Variants in ADAMTSL1 observed in about 807,000 individuals in gnomAD.
ADAMTSL1 encodes ADAMTS-like protein 1.
In ADAMTSL1, 126 loss-of-function variants were observed where a neutral mutation model predicts 201.8. The ratio of observed to expected loss-of-function variants is 0.62; its 90% CI spans 0.54 to 0.72. The LOEUF (loss-of-function observed/expected upper bound fraction) is 0.72. ADAMTSL1 is among the 30% of genes least tolerant of loss of function. ADAMTSL1 has a pLI of 0.00. For synonymous variants in ADAMTSL1, 1,121 were observed against 903.4 expected, an observed-to-expected ratio of 1.24 and a Z score of -4.32; for missense variants, 2,679 against 2,277.8, an observed-to-expected ratio of 1.18 and a Z score of -3.59.
chr9:18,688,281 G>A (rs946021465), intron 13 of ADAMTSL1, among the ~76,000 whole-genome samples: 4 of 151,646 alleles, frequency 2.6e-5, no homozygotes, highest in African/African-American at 9.7e-5. Context: ...CCACCACCAT[G>A]CCCAGCTAAT....
intron 23 of ADAMTSL1, among the ~76,000 whole-genome samples, chr9:18,857,687 C>T (rs771037924): frequency 5.3e-5 from 8 of 152,156 alleles, no homozygotes; most frequent in Non-Finnish European, 8.8e-5. Context: ...GGAATTAATA[C>T]GTCTTTTGTG....
At chr9:18,145,261 A>ATTCAATGT (rs1786216722) in intron 1 of ADAMTSL1, among the ~76,000 whole-genome samples, 1 of 152,224 alleles carries the variant, frequency 6.6e-6, no homozygotes, top group East Asian at 1.9e-4. Flanking sequence ...CCCCATAGGT[A>ATTCAATGT]TTCAATGTTA....
chr9:18,252,303 A>T (rs907042979), intron 2 of ADAMTSL1, among the ~76,000 whole-genome samples: 3 of 152,188 alleles, frequency 2.0e-5, no homozygotes, highest in African/African-American at 4.8e-5. Flanking sequence ...CATGGCCTAT[A>T]AATGTGCTCA....
chr9:18,906,568 C>A (rs1830321905), intron 27 of ADAMTSL1, 124 bp from the exon 28 acceptor site: 1 of 753,072 alleles, frequency 1.3e-6, no homozygotes, highest in Non-Finnish European at 2.1e-6. Flanking sequence ...GAATCCAGGT[C>A]TAGTAACGCT....
intron 2 of ADAMTSL1, among the ~76,000 whole-genome samples, chr9:18,178,608 T>C (rs973291695): frequency 4.0e-5 from 6 of 151,584 alleles, no homozygotes; most frequent in South Asian, 2.1e-4. Context: ...CAGTAACCTC[T>C]GCAGACTTAA....
At chr9:17,918,863 A>G (rs889060345) in intron 1 of ADAMTSL1, among the ~76,000 whole-genome samples, 1 of 151,860 alleles carries the variant, frequency 6.6e-6, no homozygotes, top group Non-Finnish European at 1.5e-5. Flanking sequence ...GTTATTGGGT[A>G]CATAAATGTT....
At chr9:18,165,087 T>G (rs1259234887) in intron 2 of ADAMTSL1, among the ~76,000 whole-genome samples, 1 of 151,924 alleles carries the variant, frequency 6.6e-6, no homozygotes, top group Non-Finnish European at 1.5e-5. Flanking sequence ...GCCTACCTTT[T>G]AAATTTTCTA....
rs1461176393 is a variant in ADAMTSL1, at chr9:18,291,774, C to CACACACAT, written c.207+127798_207+127799insCATACACA. On this transcript the variant is annotated intron_variant, in intron 2 of 29. Coordinates refer to the ADAMTSL1 transcript ENST00000680146. ...ACACACACACACACACACACACACA[C>CACACACAT]ACACATCCCTACCTGTCTTAGAGAG... is the stretch of plus-strand genomic sequence containing the variant. Among the ~76,000 whole-genome samples the CACACACAT allele has an allele frequency of 2.8e-3, 405 of 144,770 alleles. 5 individuals are homozygous for CACACACAT. Among genetic ancestry groups the CACACACAT allele is most frequent in the East Asian group, 0.022 (104 of 4,812 alleles). 95.0% of individuals were successfully genotyped at this position (144,770 alleles called of 152,430 possible). A position where few individuals can be genotyped will look rare whatever the true frequency, so the allele number is the denominator to read the frequency against.
intron 4 of ADAMTSL1, among the ~76,000 whole-genome samples, chr9:18,585,537 A>G (rs1223626914): frequency 6.6e-6 from 1 of 152,200 alleles, no homozygotes; most frequent in Non-Finnish European, 1.5e-5. Flanking sequence ...AAAGTCATAC[A>G]ACTGGAAAAA....
chr9:18,360,679 A>G (rs1445041736), intron 2 of ADAMTSL1: 3 of 152,224 alleles, frequency 2.0e-5, no homozygotes, highest in African/African-American at 7.2e-5. Context: ...GTCCTGTGGC[A>G]GATGTCAGTA....
chr9:18,651,858 C>T (rs1179031584), intron 7 of ADAMTSL1, among the ~76,000 whole-genome samples: 1 of 151,830 alleles, frequency 6.6e-6, no homozygotes, highest in Non-Finnish European at 1.5e-5. Context: ...TACAAGGAGT[C>T]TGGAGAGAAA....
At chr9:18,661,910 T>C in intron 8 of ADAMTSL1, 25 bp from the exon 9 acceptor site, 1 of 1,601,954 alleles carries the variant, frequency 6.2e-7, no homozygotes, top group Non-Finnish European at 8.5e-7. Flanking sequence ...ACATTTAAAC[T>C]TGCCTGGATG....
At chr9:18,125,008 TAAGGC>T (rs1825672538) in intron 1 of ADAMTSL1, among the ~76,000 whole-genome samples, 1 of 152,190 alleles carries the variant, frequency 6.6e-6, no homozygotes, top group South Asian at 2.1e-4. Context: ...TTCACATTCT[TAAGGC>T]AAGTCCCATC....
At chr9:18,037,940 T>TGTCTG (rs559292325) in intron 1 of ADAMTSL1, among the ~76,000 whole-genome samples, 7 of 120,946 alleles carry the variant, frequency 5.8e-5, no homozygotes, top group Non-Finnish European at 1.2e-4. Flanking sequence ...CTTTTGGATT[T>TGTCTG]GTCTGGTCTG....
At chr9:17,999,225 G>A (rs1302820820) in intron 1 of ADAMTSL1, among the ~76,000 whole-genome samples, 1 of 151,938 alleles carries the variant, frequency 6.6e-6, no homozygotes, top group Non-Finnish European at 1.5e-5. Context: ...CAATTCCTTT[G>A]TAGTTTTTTG....
chr9:18,181,293 C>A (rs199976543), intron 2 of ADAMTSL1, among the ~76,000 whole-genome samples: 9 of 152,128 alleles, frequency 5.9e-5, no homozygotes, highest in Admixed American at 2.0e-4. Context: ...AATGGGATCT[C>A]ATTAAACTAA....
At chr9:18,356,183 A>G (rs944539500) in intron 2 of ADAMTSL1, among the ~76,000 whole-genome samples, 1 of 152,212 alleles carries the variant, frequency 6.6e-6, no homozygotes, top group African/African-American at 2.4e-5. Flanking sequence ...CATCCCCTCA[A>G]TGTGGCTGAG....
At chr9:18,280,786 A>G (rs1832754930) in intron 2 of ADAMTSL1, among the ~76,000 whole-genome samples, 1 of 151,916 alleles carries the variant, frequency 6.6e-6, no homozygotes, top group South Asian at 2.1e-4. Flanking sequence ...TTGTTCCAGT[A>G]GCTTTCCTTT....
chr9:18,071,469 AT>A, intron 1 of ADAMTSL1, among the ~76,000 whole-genome samples: 1 of 152,356 alleles, frequency 6.6e-6, no homozygotes, highest in South Asian at 2.1e-4. Flanking sequence ...CAGTTAAAAG[AT>A]TAGTAAGTGG....
Sources: gnomAD v4.1 joint callset for allele counts (sites outside exome capture counted in the v4.1 genomes callset) on GRCh38, gnomAD v4.1.1 for gene constraint, MANE v1.5 for transcripts, NCBI Gene and HGNC (gene_info 2026-07-23, HGNC 2026-07-21) for gene names.